Variants in TAOK3 observed in about 807,000 individuals in gnomAD.
TAOK3 encodes TAO kinase 3, also known as serine/threonine-protein kinase TAO3.
TAOK3 carries 40 observed loss-of-function variants against 120.4 expected under a neutral mutation model. The observed-to-expected ratio is 0.33, with a 90% CI of 0.26 to 0.43. TAOK3 has a LOEUF of 0.43. TAOK3 is among the 20% of genes least tolerant of loss of function. TAOK3 has a pLI of 1.00. For synonymous variants in TAOK3, 355 were observed against 387.5 expected (o/e 0.92, Z 0.99); for missense variants, 821 against 1,112.1 (o/e 0.74, Z 3.72).
At chr12:118,330,479 A>C (rs763817739) in intron 1 of TAOK3, among the ~76,000 whole-genome samples, 1 of 152,174 alleles carries the variant, frequency 6.6e-6, no homozygotes, top group Admixed American at 6.5e-5. Flanking sequence ...ACATTATCAT[A>C]ACTCAGGCCT....
intron 1 of TAOK3, among the ~76,000 whole-genome samples, chr12:118,358,511 A>G (rs2045482634): frequency 6.6e-6 from 1 of 152,158 alleles, no homozygotes; most frequent in South Asian, 2.1e-4. Context: ...TTGATTGTAA[A>G]ATATTGTTTT....
At chr12:118,213,064 T>A in intron 10 of TAOK3, 69 bp from the exon 11 acceptor site, 1 of 1,003,188 alleles carries the variant, frequency 1.0e-6, no homozygotes, top group East Asian at 2.9e-5. Context: ...CTTAAAACAA[T>A]TTTCATTCAA....
chr12:118,187,248 G>A (rs1251825976), intron 14 of TAOK3, among the ~76,000 whole-genome samples: 1 of 152,048 alleles, frequency 6.6e-6, no homozygotes, highest in Non-Finnish European at 1.5e-5. Flanking sequence ...AATAAATATA[G>A]TATTGCCACC....
At chr12:118,345,544 G>C (rs545828564) in intron 1 of TAOK3, among the ~76,000 whole-genome samples, 3 of 152,136 alleles carry the variant, frequency 2.0e-5, no homozygotes, top group Non-Finnish European at 4.4e-5. Flanking sequence ...GGGAAGATAA[G>C]TGCATGCTTT....
intron 9 of TAOK3, among the ~76,000 whole-genome samples, chr12:118,221,672 T>C (rs2039239882): frequency 1.4e-5 from 2 of 147,546 alleles, no homozygotes; most frequent in South Asian, 4.4e-4. Flanking sequence ...TCTTGCTCTG[T>C]CATCCAGGCT....
At chr12:118,297,954 A>AT (rs1445063021) in intron 1 of TAOK3, among the ~76,000 whole-genome samples, 2 of 152,124 alleles carry the variant, frequency 1.3e-5, no homozygotes, top group Non-Finnish European at 2.9e-5. Context: ...TAATTTTTAA[A>AT]TTTTTTGTAG....
At chr12:118,269,021 G>T (rs181501476) in intron 1 of TAOK3, among the ~76,000 whole-genome samples, 1 of 151,878 alleles carries the variant, frequency 6.6e-6, no homozygotes, top group East Asian at 1.9e-4. Context: ...AGAAAGAAAA[G>T]AAAAGAAAAC....
intron 1 of TAOK3, among the ~76,000 whole-genome samples, chr12:118,357,859 C>T (rs2045459523): frequency 6.6e-6 from 1 of 152,208 alleles, no homozygotes. Flanking sequence ...TATATGACAT[C>T]ACATTTTAAA....
intron 11 of TAOK3, among the ~76,000 whole-genome samples, chr12:118,212,398 T>C (rs185891217): frequency 6.6e-6 from 1 of 152,336 alleles, no homozygotes; most frequent in East Asian, 1.9e-4. Context: ...TGCTTGGTGA[T>C]AATTAAATCA....
chr12:118,369,237 C>T (rs532194933), intron 1 of TAOK3, among the ~76,000 whole-genome samples: 2 of 152,174 alleles, frequency 1.3e-5, no homozygotes, highest in South Asian at 4.2e-4. Context: ...ACAATGATTT[C>T]ATATATTTAT....
intron 1 of TAOK3, among the ~76,000 whole-genome samples, chr12:118,324,187 T>C (rs1391172767): frequency 6.6e-6 from 1 of 152,220 alleles, no homozygotes; most frequent in East Asian, 1.9e-4. Flanking sequence ...TGTTTAGAAA[T>C]ACGGAGAAAA....
At chr12:118,166,089 CT>C (rs1256559117) in intron 17 of TAOK3, among the ~76,000 whole-genome samples, 7 of 152,174 alleles carry the variant, frequency 4.6e-5, no homozygotes, top group Non-Finnish European at 1.0e-4. Flanking sequence ...AATTGCCACC[CT>C]ATGAGGTGAT....
At chr12:118,268,851 A>G (rs1289808339) in intron 1 of TAOK3, among the ~76,000 whole-genome samples, 1 of 152,046 alleles carries the variant, frequency 6.6e-6, no homozygotes, top group East Asian at 1.9e-4. Context: ...TCTACTAAAA[A>G]TACAAAATTA....
At position 118,246,530 on chromosome 12, in the gene TAOK3, C is replaced by T. The variant is rs1046122969; in HGVS notation, c.121-1565G>A. ...TTAAGTGCTCCAAGGAGGTGGCCAC[C>T]GCCATCCGTGGGGCCATCATCCTGG... On this transcript the variant is annotated intron_variant, in intron 3 of 20. Coordinates refer to ENST00000392533, the MANE Select transcript of TAOK3 (RefSeq NM_016281.4). The T allele has an allele frequency of 2.4e-5, 37 of 1,547,204 alleles. No individual in the cohort carries two copies. The Middle Eastern group carries it at 9.5e-4, about 40-fold the overall frequency.
chr12:118,199,234 C>T lies in TAOK3; in HGVS notation c.1011G>A (p.Leu337=). The change falls in exon 13 of 21, where the codon CTG becomes CTA. Residue 337 remains leucine (L), a synonymous_variant. Coordinates refer to ENST00000392533, the MANE Select transcript of TAOK3 (RefSeq NM_016281.4). ...TGCCCAGGCTGTCCATTTCCCTGTT[C>T]AGGCTGGTTCCATGTTCACTGTCCT... ...DEEDSEHGTS[L]NREMDSLGSN... The T allele has an allele frequency of 6.2e-7, 1 of 1,614,080 alleles. No homozygotes were observed. Among genetic ancestry groups the T allele is most frequent in the Non-Finnish European group, 8.5e-7 (1 of 1,180,004 alleles).
intron 3 of TAOK3, among the ~76,000 whole-genome samples, chr12:118,248,870 C>T (rs11834503): frequency 0.03 from 4,528 of 152,158 alleles, 189 homozygotes; most frequent in African/African-American, 0.093. Context: ...AAAAACATTT[C>T]CATGTTGATT....
chr12:118,291,126 G>A (rs1218893777), intron 1 of TAOK3, among the ~76,000 whole-genome samples: 1 of 151,580 alleles, frequency 6.6e-6, no homozygotes, highest in African/African-American at 2.4e-5. Flanking sequence ...AAAGTACTGG[G>A]ATTACAGGAG....
chr12:118,275,580 T>C (rs1346412577), intron 1 of TAOK3, among the ~76,000 whole-genome samples: 1 of 152,210 alleles, frequency 6.6e-6, no homozygotes, highest in African/African-American at 2.4e-5. Context: ...ATTTTTAAAA[T>C]CCTCACAGAT....
At chr12:118,305,604 TG>T in intron 1 of TAOK3, among the ~76,000 whole-genome samples, 1 of 152,332 alleles carries the variant, frequency 6.6e-6, no homozygotes, top group African/African-American at 2.4e-5. Flanking sequence ...TACTATTTTA[TG>T]CATGTCAAAA....
Sources: gnomAD v4.1 joint callset for allele counts (sites outside exome capture counted in the v4.1 genomes callset) on GRCh38, gnomAD v4.1.1 for gene constraint, MANE v1.5 for transcripts, NCBI Gene and HGNC (gene_info 2026-07-23, HGNC 2026-07-21) for gene names.